The following JARID2 variants were observed in gnomAD, a reference collection of about 807,000 sequenced individuals.
JARID2 encodes the protein protein Jumonji.
JARID2 carries 21 observed loss-of-function variants against 125.6 expected under a neutral mutation model. That is an observed-to-expected ratio of 0.17 (90% CI 0.12 to 0.24). The LOEUF is 0.24. Ranked by LOEUF, JARID2 falls within the 10% of genes least tolerant of loss-of-function variation. The probability of loss-of-function intolerance (pLI) is 1.00; values close to 1 mark genes in which losing one functional copy is unlikely to be tolerated. For missense variants in JARID2, 1,303 were observed against 1,639.6 expected (o/e 0.79, Z 3.55); for synonymous variants, 736 against 661.6 (o/e 1.11, Z -1.73).
chr6:15,376,128 A>G (rs144661100), intron 2 of JARID2, among the ~76,000 whole-genome samples: 2 of 152,342 alleles, frequency 1.3e-5, no homozygotes, highest in African/African-American at 4.8e-5. Context: ...CCACATTGGG[A>G]TCACTGAAGT....
intron 2 of JARID2, among the ~76,000 whole-genome samples, chr6:15,397,637 G>C (rs1286249151): frequency 6.6e-6 from 1 of 152,198 alleles, no homozygotes; most frequent in African/African-American, 2.4e-5. Flanking sequence ...GGTCTCTCTT[G>C]TGACATGTTA....
chr6:15,291,900 C>T (rs1283238173), intron 1 of JARID2, among the ~76,000 whole-genome samples: 1 of 152,112 alleles, frequency 6.6e-6, no homozygotes, highest in East Asian at 1.9e-4. Flanking sequence ...AGTGTCATAG[C>T]ATTTTCTTAT....
intron 5 of JARID2, among the ~76,000 whole-genome samples, chr6:15,480,329 G>C (rs978624945): frequency 6.6e-6 from 1 of 152,114 alleles, no homozygotes; most frequent in Non-Finnish European, 1.5e-5. Context: ...TCTCTTTCAA[G>C]GAGGTTAGGC....
At chr6:15,408,675 T>C (rs1415427337) in intron 2 of JARID2, among the ~76,000 whole-genome samples, 1 of 152,252 alleles carries the variant, frequency 6.6e-6, no homozygotes, top group Non-Finnish European at 1.5e-5. Flanking sequence ...GTCAATGACA[T>C]GTTACATTCT....
chr6:15,499,456 C>T (rs1471837024), intron 7 of JARID2, among the ~76,000 whole-genome samples: 2 of 152,198 alleles, frequency 1.3e-5, no homozygotes, highest in Non-Finnish European at 2.9e-5. Flanking sequence ...GCGTTATAAT[C>T]TACTTAGAGT....
intron 1 of JARID2, among the ~76,000 whole-genome samples, chr6:15,273,033 C>A (rs769355460): frequency 6.6e-6 from 1 of 151,984 alleles, no homozygotes; most frequent in African/African-American, 2.4e-5. Context: ...AAAATAAAGC[C>A]TAGTAAGTTG....
intron 12 of JARID2, chr6:15,509,033 G>A (rs942348333): frequency 5.4e-6 from 7 of 1,289,284 alleles, no homozygotes; most frequent in South Asian, 3.7e-5. Flanking sequence ...TGGGAATCTC[G>A]TTCCTGCCAT....
chr6:15,390,710 T>A (rs892781146), intron 2 of JARID2, among the ~76,000 whole-genome samples: 1 of 152,124 alleles, frequency 6.6e-6, no homozygotes, highest in Non-Finnish European at 1.5e-5. Flanking sequence ...TGTCCTTGGA[T>A]CCATGAATAC....
intron 3 of JARID2, among the ~76,000 whole-genome samples, chr6:15,427,696 ACATTT>A (rs1386343615): frequency 1.3e-5 from 2 of 152,142 alleles, no homozygotes; most frequent in Non-Finnish European, 2.9e-5. Context: ...CCTCCTGGGA[ACATTT>A]GATCAGTTCC....
chr6:15,481,850 T>C (rs1056308345), intron 5 of JARID2, among the ~76,000 whole-genome samples: 1 of 152,218 alleles, frequency 6.6e-6, no homozygotes, highest in Non-Finnish European at 1.5e-5. Flanking sequence ...AAATATTCTT[T>C]AGTAGAGTAC....
intron 1 of JARID2, among the ~76,000 whole-genome samples, chr6:15,266,495 G>A (rs960854887): frequency 6.6e-6 from 1 of 152,162 alleles, no homozygotes; most frequent in Non-Finnish European, 1.5e-5. Context: ...GGCCTCATAA[G>A]GAAACAGCAG....
intron 2 of JARID2, among the ~76,000 whole-genome samples, chr6:15,402,823 A>G (rs1765490904): frequency 6.6e-6 from 1 of 152,010 alleles, no homozygotes; most frequent in African/African-American, 2.4e-5. Context: ...TTTGGTGCGT[A>G]TTTATAACTG....
intron 1 of JARID2, among the ~76,000 whole-genome samples, chr6:15,264,810 A>G (rs1172037330): frequency 6.6e-6 from 1 of 152,174 alleles, no homozygotes; most frequent in Non-Finnish European, 1.5e-5. Flanking sequence ...CATCCCTCCT[A>G]CTAAAATTGC....
intron 2 of JARID2, among the ~76,000 whole-genome samples, chr6:15,400,599 G>C (rs1475325961): frequency 6.6e-6 from 1 of 152,044 alleles, no homozygotes; most frequent in African/African-American, 2.4e-5. Context: ...CTTCGGATTT[G>C]TCTGCATTGC....
Position 15,512,896 on chromosome 6 carries a change from G to T in JARID2, c.3136-19G>T. The stretch of plus-strand genomic sequence containing the variant: ...TAGTAATGAAAATCCACCCTAAAGG[G>T]ATGTGACTCCTCTTTCAGGAAATGA... On this transcript the variant is annotated intron_variant, in intron 14 of 17. Coordinates refer to ENST00000341776, the MANE Select transcript of JARID2 (RefSeq NM_004973.4). 4 of 1,613,070 alleles carry T rather than the reference G, an allele frequency of 2.5e-6. No individual in the cohort carries two copies. The highest frequency in any genetic ancestry group is 1.7e-6 in the Non-Finnish European group (2 of 1,179,564).
intron 1 of JARID2, among the ~76,000 whole-genome samples, chr6:15,283,416 C>T (rs1413768448): frequency 6.8e-6 from 1 of 147,018 alleles, no homozygotes; most frequent in East Asian, 2.0e-4. Flanking sequence ...TCGCGGCTTA[C>T]TGCAAGCTCC....
chr6:15,290,711 C>T (rs895380728), intron 1 of JARID2, among the ~76,000 whole-genome samples: 49 of 152,122 alleles, frequency 3.2e-4, no homozygotes, highest in Non-Finnish European at 5.7e-4. Flanking sequence ...CTCCACCTCC[C>T]GGGTTCATGC....
chr6:15,383,600 A>G (rs988386786), intron 2 of JARID2, among the ~76,000 whole-genome samples: 2 of 152,030 alleles, frequency 1.3e-5, no homozygotes, highest in African/African-American at 4.8e-5. Flanking sequence ...CCTTCTATTT[A>G]TATTCATATT....
chr6:15,398,522 C>T (rs1765300359), intron 2 of JARID2, among the ~76,000 whole-genome samples: 1 of 152,042 alleles, frequency 6.6e-6, no homozygotes, highest in South Asian at 2.1e-4. Context: ...AGTAGGGGAC[C>T]AACATTTCAT....
Sources: allele counts gnomAD v4.1 joint callset (sites outside exome capture counted in the v4.1 genomes callset), GRCh38; gene constraint gnomAD v4.1.1; transcripts MANE v1.5; gene names NCBI Gene and HGNC (gene_info 2026-07-23, HGNC 2026-07-21).